PI4K2B: variants seen among roughly 807,000 people sequenced by gnomAD.
The protein encoded by PI4K2B is phosphatidylinositol 4-kinase type 2 beta.
In PI4K2B, 46 loss-of-function variants were observed where a neutral mutation model predicts 56.6. That is an observed-to-expected ratio of 0.81 (90% CI 0.64 to 1.04). The LOEUF (loss-of-function observed/expected upper bound fraction) is 1.04, where lower values mean the gene tolerates loss of function less well. Ranked by LOEUF, PI4K2B falls within the 50% of genes least tolerant of loss-of-function variation. The probability of loss-of-function intolerance (pLI) is 0.00; values close to 1 mark genes in which losing one functional copy is unlikely to be tolerated. For synonymous variants in PI4K2B, 211 were observed against 223.8 expected, an observed-to-expected ratio of 0.94 and a Z score of 0.51; for missense variants, 556 against 607.7, an observed-to-expected ratio of 0.91 and a Z score of 0.89.
At chr4:25,253,102 C>T (rs1716128862) in intron 2 of PI4K2B, among the ~76,000 whole-genome samples, 1 of 152,150 alleles carries the variant, frequency 6.6e-6, no homozygotes, top group South Asian at 2.1e-4. Flanking sequence ...ACCTTAATAG[C>T]CAAACACGGT....
In PI4K2B at chr4:25,278,603, C is replaced by A. The variant is rs1456329618; in HGVS notation, c.*1416C>A. On this transcript the variant is annotated 3_prime_UTR_variant, in exon 10 of 10. Transcript: ENST00000264864. ...TGCCCTGAGGGAGTTCATTGGAAAC[C>A]TGCGTTCTCCTACCTCTTCCAACCC... 6.6e-6 allele frequency: 1 copy of A among 152,568 alleles called. No individual in the cohort carries two copies. The highest frequency in any genetic ancestry group is 1.5e-5 in the Non-Finnish European group (1 of 68,014). The allele number at this position is 152,568 out of a possible 1,614,324, so 9.5% of individuals were successfully genotyped here.
At chr4:25,262,151 T>C (rs143318088) in intron 6 of PI4K2B, among the ~76,000 whole-genome samples, 4 of 152,132 alleles carry the variant, frequency 2.6e-5, no homozygotes, top group African/African-American at 9.6e-5. Context: ...CACTTAAGGA[T>C]AAAAGACTTA....
At chr4:25,267,015 G>A (rs555913789) in intron 7 of PI4K2B, among the ~76,000 whole-genome samples, 1 of 152,252 alleles carries the variant, frequency 6.6e-6, no homozygotes, top group Admixed American at 6.5e-5. Flanking sequence ...AAAGAGAGAA[G>A]GAGTAGCTTA....
intron 3 of PI4K2B, 22 bp downstream of exon 3, chr4:25,255,287 A>G (rs778901549): frequency 6.3e-7 from 1 of 1,584,256 alleles, no homozygotes; most frequent in Non-Finnish European, 8.7e-7. Flanking sequence ...TTTATTTTTA[A>G]CCATGGACTT....
Position 25,277,124 on chromosome 4 carries a change from C to T in PI4K2B, c.1383C>T (p.Val461=). The part of the protein sequence containing the change: ...RSQGGSQGRI[V]HLSNSFTQTV... ...AAGGTGGAAGTCAGGGTCGGATTGT[C>T]CACCTGAGCAATTCCTTTACCCAGA... Residue 461 remains valine, a synonymous_variant, in exon 10 of 10, where the codon GTC becomes GTT. Coordinates refer to ENST00000264864, the MANE Select transcript of PI4K2B (RefSeq NM_018323.4). 6.2e-7 allele frequency: 1 copy of T among 1,613,922 alleles called. No individual in the cohort carries two copies. Among genetic ancestry groups the T allele is most frequent in the Non-Finnish European group, 8.5e-7 (1 of 1,179,866 alleles).
At chr4:25,259,758 T>C (rs1163374302) in intron 5 of PI4K2B, among the ~76,000 whole-genome samples, 3 of 152,078 alleles carry the variant, frequency 2.0e-5, no homozygotes, top group Non-Finnish European at 4.4e-5. Flanking sequence ...TTTACAAATT[T>C]TTGTTGGGCC....
In PI4K2B at chr4:25,245,728, C is replaced by T. The variant is rs373965627; in HGVS notation, c.269-6593C>T. Among the ~76,000 whole-genome samples, 179 of 152,270 alleles carry T rather than the reference C, an allele frequency of 1.2e-3. 2 individuals carry two copies. In the South Asian group the frequency reaches 0.021, roughly 18 times the overall value. The stretch of plus-strand genomic sequence containing the variant: ...ATAGCAAGTGAAAGGGGTCCGATGG[C>T]ACTCACTGCTTGGTGATAGGTGACA... On this transcript the variant is annotated intron_variant, in intron 1 of 9. Coordinates refer to ENST00000264864, the MANE Select transcript of PI4K2B (RefSeq NM_018323.4).
Position 25,259,058 on chromosome 4 carries a change from G to A in PI4K2B, c.778G>A (p.Val260Ile). 1 of 1,574,616 alleles carries A rather than the reference G, an allele frequency of 6.4e-7. No homozygotes were observed. The highest frequency in any genetic ancestry group is 8.7e-7 in the Non-Finnish European group (1 of 1,150,830). ...PPKIGSFQLF[V>I]EGYKEAEYWL... ...ATAGATTGGTTCCTTTCAGTTATTT[G>A]TTGAAGGTTACAAGGAGGCTGAATA... The change falls in exon 5 of 10, where the codon GTT becomes ATT. Residue 260 changes from valine (V) to isoleucine (I), a missense_variant. Coordinates refer to ENST00000264864, the MANE Select transcript of PI4K2B (RefSeq NM_018323.4).
At chr4:25,260,852 G>A (rs1716446572) in intron 6 of PI4K2B, among the ~76,000 whole-genome samples, 2 of 137,146 alleles carry the variant, frequency 1.5e-5, no homozygotes, top group African/African-American at 5.4e-5. Flanking sequence ...TGTTTACGTT[G>A]CATTTCTTGA....
At chr4:25,252,745 T>C (rs767239802) in intron 2 of PI4K2B, among the ~76,000 whole-genome samples, 2 of 152,116 alleles carry the variant, frequency 1.3e-5, no homozygotes, top group Non-Finnish European at 2.9e-5. Context: ...CCCAAGTAGG[T>C]GGGACCATAG....
intron 5 of PI4K2B, 93 bp from the exon 6 acceptor site, chr4:25,260,431 C>A: frequency 2.0e-6 from 1 of 488,444 alleles, no homozygotes; most frequent in South Asian, 3.3e-5. Context: ...GTGAAAGTCT[C>A]AAAAATCAGG....
intron 6 of PI4K2B, among the ~76,000 whole-genome samples, chr4:25,261,751 T>C (rs1488549532): frequency 2.0e-5 from 3 of 151,952 alleles, no homozygotes; most frequent in Non-Finnish European, 2.9e-5. Context: ...ATTTAAAAAT[T>C]AGAAAATGCA....
intron 1 of PI4K2B, among the ~76,000 whole-genome samples, chr4:25,237,121 A>G (rs749791291): frequency 2.0e-5 from 3 of 152,232 alleles, no homozygotes; most frequent in Non-Finnish European, 4.4e-5. Flanking sequence ...TATCTTCAAC[A>G]AGGCATTTAA....
intron 8 of PI4K2B, 91 bp from the exon 9 acceptor site, chr4:25,269,053 C>A: frequency 3.1e-6 from 2 of 654,814 alleles, no homozygotes; most frequent in South Asian, 2.1e-5. Context: ...TTTTTAATGG[C>A]CTTATTTGCT....
At chr4:25,265,463 C>T (rs969425620) in intron 7 of PI4K2B, among the ~76,000 whole-genome samples, 2 of 152,060 alleles carry the variant, frequency 1.3e-5, no homozygotes, top group African/African-American at 4.8e-5. Context: ...TATGTTCATG[C>T]TATATCGCTT....
At chr4:25,244,537 G>A (rs1483056862) in intron 1 of PI4K2B, among the ~76,000 whole-genome samples, 2 of 152,178 alleles carry the variant, frequency 1.3e-5, no homozygotes, top group Admixed American at 6.5e-5. Context: ...CCCCATCAGA[G>A]AGAGAATATT....
At position 25,246,371 on chromosome 4, in the gene PI4K2B, G is replaced by T. The variant is rs1260193383; in HGVS notation, c.269-5950G>T. 3.3e-5 allele frequency among the ~76,000 whole-genome samples: 5 copies of T among 152,202 alleles called. No individual in the cohort carries two copies. In the East Asian group the frequency reaches 9.7e-4, roughly 29 times the overall value. ...GTTTTGACAGGGTGCTGATTGGTGC[G>T]TTTACAATCCCTGAGCTAGACACAA... On this transcript the variant is annotated intron_variant, in intron 1 of 9. Transcript: ENST00000264864.
intron 1 of PI4K2B, 141 bp downstream of exon 1, chr4:25,234,572 C>G: frequency 5.5e-6 from 3 of 548,000 alleles, no homozygotes; most frequent in Non-Finnish European, 8.2e-6. Flanking sequence ...GAGCTCGGAC[C>G]GGCGCCAGCC....
intron 6 of PI4K2B, 72 bp from the exon 7 acceptor site, chr4:25,263,678 T>C: frequency 1.7e-6 from 1 of 593,396 alleles, no homozygotes. Context: ...TCAATAATTA[T>C]TATAAATAAT....
Sources: allele counts gnomAD v4.1 joint callset (sites outside exome capture counted in the v4.1 genomes callset), GRCh38; gene constraint gnomAD v4.1.1; transcripts MANE v1.5; gene names NCBI Gene and HGNC (gene_info 2026-07-23, HGNC 2026-07-21).